Variants in TMPPE observed in about 807,000 individuals in gnomAD.
TMPPE encodes transmembrane protein with metallophosphoesterase domain.
In TMPPE, 16 loss-of-function variants were observed where a neutral mutation model predicts 22.6. The observed-to-expected ratio is 0.71, with a 90% CI of 0.48 to 1.08. The LOEUF (loss-of-function observed/expected upper bound fraction) is 1.08. Among genes scored for constraint, TMPPE ranks in the 50% least tolerant of loss-of-function variants. The probability of loss-of-function intolerance (pLI) is 0.00; values close to 1 mark genes in which losing one functional copy is unlikely to be tolerated. For synonymous variants in TMPPE, 240 were observed against 245.3 expected (o/e 0.98, Z 0.20); for missense variants, 526 against 584.3 (o/e 0.90, Z 1.03).
At position 33,091,374 on chromosome 3, in the gene TMPPE, A is replaced by T. The variant is rs1700752918; in HGVS notation, c.*1460T>A. On this transcript the variant is annotated 3_prime_UTR_variant, in exon 2 of 2. Coordinates refer to ENST00000342462, the MANE Select transcript of TMPPE (RefSeq NM_001039770.3). ...ACCCCCTTTGCCTGCCAGAATGCAC[A>T]TGAGGGAAGGAAGGCAAACCCCTAG... The T allele has an allele frequency of 2.0e-6, 2 of 985,324 alleles. No homozygotes were observed. The highest frequency in any genetic ancestry group is 1.2e-4 in the Admixed American group (2 of 16,258). The allele number at this position is 985,324 out of a possible 1,614,324, so 61.0% of individuals were successfully genotyped here. A position where few individuals can be genotyped will look rare whatever the true frequency, so the allele number is the denominator to read the frequency against.
In TMPPE at chr3:33,093,452, G is replaced by T; in HGVS notation, c.744C>A (p.Ser248=). Residue 248 remains serine (S), a synonymous_variant, in exon 2 of 2, where the codon TCC becomes TCA. Transcript: ENST00000342462. This position sits in a 1 kb window ranked among gnomAD's most constrained non-coding sequence, Gnocchi z 6.0. ...PDITVIVGDL[S]DSEASVLRTA... is the part of the protein sequence containing the mutation. ...TCCGCAGGACCGAGGCTTCTGAGTC[G>T]GAGAGGTCACCCACAATCACCGTGA... is the stretch of plus-strand genomic sequence containing the variant. The T allele has an allele frequency of 1.9e-6, 3 of 1,614,070 alleles. No homozygotes were observed. The highest frequency in any genetic ancestry group is 2.5e-6 in the Non-Finnish European group (3 of 1,180,030).
Position 33,093,839 on chromosome 3 carries a change from G to A in TMPPE, c.357C>T (p.Tyr119=), listed in dbSNP as rs747924645. ...EEPYLFSLAA[Y]SCLGAYIIML... ...TGATGATGTAAGCACCCAGGCAGGAGTAGGCCGCCAAGGAAAAGAGATAGG... is the reference window on the plus strand; with the variant it reads ...TGATGATGTAAGCACCCAGGCAGGAATAGGCCGCCAAGGAAAAGAGATAGG... The change falls in exon 2 of 2, where the codon TAC becomes TAT. Residue 119 remains tyrosine (Y), a synonymous_variant. Transcript: ENST00000342462. This position sits in a 1 kb window ranked among gnomAD's most constrained non-coding sequence, Gnocchi z 6.0. 18 of 1,613,512 alleles carry A rather than the reference G, an allele frequency of 1.1e-5. No homozygotes were observed. Among genetic ancestry groups the A allele is most frequent in the Non-Finnish European group, 1.5e-5 (18 of 1,179,762 alleles).
At position 33,092,052 on chromosome 3, in the gene TMPPE, T is replaced by C. The variant is rs1700785969; in HGVS notation, c.*782A>G. 2.0e-6 allele frequency: 2 copies of C among 984,210 alleles called. No homozygotes were observed. The highest frequency in any genetic ancestry group is 2.4e-6 in the Non-Finnish European group (2 of 828,954). 61.0% of individuals were successfully genotyped at this position (984,210 alleles called of 1,614,324 possible). A position where few individuals can be genotyped will look rare whatever the true frequency, so the allele number is the denominator to read the frequency against. Reference sequence around the variant, plus strand: ...ATAGGGAAAAGCAGCCTGTCCCCAGTGAGCTCCCCGAAGGGTTGTATAAAA... The same window carrying C: ...ATAGGGAAAAGCAGCCTGTCCCCAGCGAGCTCCCCGAAGGGTTGTATAAAA... On this transcript the variant is annotated 3_prime_UTR_variant, in exon 2 of 2. Transcript: ENST00000342462.
rs764183146 is a variant in TMPPE at position 33,093,421 on chromosome 3, C to A, written c.775G>T (p.Val259Phe). The A allele has an allele frequency of 6.2e-7, 1 of 1,614,158 alleles. No homozygotes were observed. Among genetic ancestry groups the A allele is most frequent in the Admixed American group, 1.7e-5 (1 of 60,024 alleles). ...DSEASVLRTA[V>F]APLGQLHSHL... ...GAATGAAGCTGGCCCAGAGGAGCGACAGCCGTCCGCAGGACCGAGGCTTCT... is the reference window on the plus strand; with the variant it reads ...GAATGAAGCTGGCCCAGAGGAGCGAAAGCCGTCCGCAGGACCGAGGCTTCT... The change falls in exon 2 of 2, where the codon GTC (valine) becomes TTC (phenylalanine). Residue 259 changes from valine to phenylalanine, a missense_variant. Coordinates refer to ENST00000342462, the MANE Select transcript of TMPPE (RefSeq NM_001039770.3). The surrounding 1 kb of genome is among the most constrained non-coding windows in gnomAD (Gnocchi z 6.0).
chr3:33,096,931 G>C lies in TMPPE; in HGVS notation c.-321C>G. ...AGGCTCCCCGCCCTGCGGGACCGCG[G>C]GTGGCTGCGACCCCAGCCCGGTTCC... On this transcript the variant is annotated 5_prime_UTR_variant, in exon 1 of 2. Coordinates refer to ENST00000342462, the MANE Select transcript of TMPPE (RefSeq NM_001039770.3). 2 of 1,552,076 alleles carry C rather than the reference G, an allele frequency of 1.3e-6. No homozygotes were observed. Among genetic ancestry groups the C allele is most frequent in the Non-Finnish European group, 8.7e-7 (1 of 1,150,328 alleles).
At position 33,092,993 on chromosome 3, in the gene TMPPE, G is replaced by A. The variant is rs146661602; in HGVS notation, c.1203C>T (p.Asn401=). 252 of 1,614,232 alleles carry A rather than the reference G, an allele frequency of 1.6e-4. No homozygotes were observed. The highest frequency in any genetic ancestry group is 1.8e-4 in the Non-Finnish European group (217 of 1,180,046). The part of the protein sequence containing the change: ...HTHAGQIFPL[N]VAAYLLNPFF... ...AGGGATTCAGGAGATAGGCTGCTAC[G>A]TTCAAGGGGAAGATCTGCCCAGCAT... is the stretch of plus-strand genomic sequence containing the variant. The change falls in exon 2 of 2, where the codon AAC becomes AAT. Residue 401 remains asparagine, a synonymous_variant. Coordinates refer to ENST00000342462, the MANE Select transcript of TMPPE (RefSeq NM_001039770.3).
intron 1 of TMPPE, among the ~76,000 whole-genome samples, chr3:33,095,329 A>G (rs1700976387): frequency 1.3e-5 from 2 of 151,986 alleles, no homozygotes; most frequent in Admixed American, 6.6e-5. Context: ...CATCCTGGCT[A>G]ACATGGTGAA....
rs77988381 is a variant in TMPPE at position 33,097,055 on chromosome 3, G to C, written c.-445C>G. On this transcript the variant is annotated 5_prime_UTR_variant, in exon 1 of 2. Coordinates refer to ENST00000342462, the MANE Select transcript of TMPPE (RefSeq NM_001039770.3). ...CCCAGAAGCAGCAGAACCAGCAACA[G>C]AGGGAGGATGCGAACCAGGAACCCC... The C allele has an allele frequency of 2.4e-4, 391 of 1,612,036 alleles. 2 individuals carry two copies. In the African/African-American group the frequency reaches 4.8e-3, roughly 20 times the overall value.
Position 33,091,856 on chromosome 3 carries a change from C to A in TMPPE, c.*978G>T. 1.0e-6 allele frequency: 1 copy of A among 985,452 alleles called. No individual in the cohort carries two copies. Among genetic ancestry groups the A allele is most frequent in the South Asian group, 4.7e-5 (1 of 21,290 alleles). The allele number at this position is 985,452 out of a possible 1,614,324, so 61.0% of individuals were successfully genotyped here. ...CTTCTCAGTGAGGCCTTTTCTAACA[C>A]GGGTGCTTATCTCCATCTCAGGATC... is the stretch of plus-strand genomic sequence containing the variant. On this transcript the variant is annotated 3_prime_UTR_variant, in exon 2 of 2. Transcript: ENST00000342462.
chr3:33,093,906 T>C lies in TMPPE; in HGVS notation c.290A>G (p.His97Arg), dbSNP rs753955295. 3 of 1,613,878 alleles carry C rather than the reference T, an allele frequency of 1.9e-6. No individual in the cohort carries two copies. The highest frequency in any genetic ancestry group is 2.7e-5 in the African/African-American group (2 of 74,930). ...AAAGAACATGGTAAAGAAACTGGAA[T>C]GGGCCAGGGCCAGAAATGCCAGAAC... ...VVVLAFLALA[H>R]SSFFTMFFLV... Residue 97 changes from histidine to arginine, a missense_variant, in exon 2 of 2, where the codon CAT (histidine) becomes CGT (arginine). Coordinates refer to ENST00000342462, the MANE Select transcript of TMPPE (RefSeq NM_001039770.3). The surrounding 1 kb of genome is among the most constrained non-coding windows in gnomAD (Gnocchi z 6.0).
Position 33,093,914 on chromosome 3 carries a change from G to T in TMPPE, c.282C>A (p.Ala94=), listed in dbSNP as rs1464414077. The T allele has an allele frequency of 1.2e-6, 2 of 1,614,040 alleles. No homozygotes were observed. Among genetic ancestry groups the T allele is most frequent in the Non-Finnish European group, 8.5e-7 (1 of 1,180,018 alleles). ...LWKVVVLAFL[A]LAHSSFFTMF... is the part of the protein sequence containing the mutation. ...TGGTAAAGAAACTGGAATGGGCCAG[G>T]GCCAGAAATGCCAGAACCACCACCT... Residue 94 remains alanine (A), a synonymous_variant, in exon 2 of 2, where the codon GCC becomes GCA. Coordinates refer to ENST00000342462, the MANE Select transcript of TMPPE (RefSeq NM_001039770.3). This position sits in a 1 kb window ranked among gnomAD's most constrained non-coding sequence, Gnocchi z 6.0.
At chr3:33,095,210 C>CAAAAAAAAAA (rs71630565) in intron 1 of TMPPE, among the ~76,000 whole-genome samples, 1 of 75,890 alleles carries the variant, frequency 1.3e-5, no homozygotes, top group African/African-American at 5.5e-5. Context: ...GACTCTGTCT[C>CAAAAAAAAAA]AAAAAAAAAA....
chr3:33,096,724 CTCAACACCTCGTT>C lies in TMPPE; in HGVS notation c.-127_-115del. 2 of 1,265,452 alleles carry C rather than the reference CTCAACACCTCGTT, an allele frequency of 1.6e-6. No homozygotes were observed. The highest frequency in any genetic ancestry group is 3.2e-5 in the African/African-American group (2 of 63,206). The allele number at this position is 1,265,452 out of a possible 1,614,324, so 78.4% of individuals were successfully genotyped here. A position where few individuals can be genotyped will look rare whatever the true frequency, so the allele number is the denominator to read the frequency against. On this transcript the variant is annotated 5_prime_UTR_variant, in exon 1 of 2. Transcript: ENST00000342462. ...TAGGAAATGTTTACACGCACCTCGT[CTCAACACCTCGTT>C]ACAGATGGGGAAGTGGATCCAAGCG...
chr3:33,091,131 C>T lies in TMPPE; in HGVS notation c.*1703G>A. 3.0e-6 allele frequency: 3 copies of T among 985,318 alleles called. No individual in the cohort carries two copies. Among genetic ancestry groups the T allele is most frequent in the Non-Finnish European group, 3.6e-6 (3 of 829,936 alleles). 61.0% of individuals were successfully genotyped at this position (985,318 alleles called of 1,614,324 possible). ...GAACTTAAAGGGAGTAAGGATGATT[C>T]ACAAAATGCGGTCGGGACACAAGAA... On this transcript the variant is annotated 3_prime_UTR_variant, in exon 2 of 2. Transcript: ENST00000342462.
chr3:33,092,910 G>A lies in TMPPE; in HGVS notation c.1286C>T (p.Thr429Ile). 6.2e-7 allele frequency: 1 copy of A among 1,614,214 alleles called. No individual in the cohort carries two copies. Among genetic ancestry groups the A allele is most frequent in the Non-Finnish European group, 8.5e-7 (1 of 1,180,034 alleles). Residue 429 changes from threonine (T) to isoleucine (I), a missense_variant, in exon 2 of 2, where the codon ACA becomes ATA. Transcript: ENST00000342462. ...CCTCATGGGTATCCCGTAGTAGGCT[G>A]TGCCTGGGCTGACATACACGAATGT... is the stretch of plus-strand genomic sequence containing the variant. ...QATFVYVSPG[T>I]AYYGIPMRLG...
Position 33,094,293 on chromosome 3 carries a change from G to C in TMPPE, c.-98C>G. 1 of 1,504,092 alleles carries C rather than the reference G, an allele frequency of 6.6e-7. No homozygotes were observed. The highest frequency in any genetic ancestry group is 8.9e-7 in the Non-Finnish European group (1 of 1,128,740). The allele number at this position is 1,504,092 out of a possible 1,614,324, so 93.2% of individuals were successfully genotyped here. A position where few individuals can be genotyped will look rare whatever the true frequency, so the allele number is the denominator to read the frequency against. On this transcript the variant is annotated 5_prime_UTR_variant, in exon 2 of 2. Transcript: ENST00000342462. ...ACAGTGGCCAAGGAGAGGTTTCCAGGTCAACTCCGCCTGCAACCAGGAACC... is the reference window on the plus strand; with the variant it reads ...ACAGTGGCCAAGGAGAGGTTTCCAGCTCAACTCCGCCTGCAACCAGGAACC...
chr3:33,093,973 G>T lies in TMPPE; in HGVS notation c.223C>A (p.Pro75Thr). ...RSTVSNLCHS[P>T]AAESTCFQLW... is the part of the protein sequence containing the mutation. The stretch of plus-strand genomic sequence containing the variant: ...TGAAAACAGGTTGACTCTGCAGCTG[G>T]GGAGTGGCAGAGGTTGCTCACTGTG... Residue 75 changes from proline (P) to threonine (T), a missense_variant, in exon 2 of 2, where the codon CCA (proline) becomes ACA (threonine). Physicochemically the swap from Pro to Thr is conservative, Grantham distance 38 (BLOSUM62 -1). Transcript: ENST00000342462. This position sits in a 1 kb window ranked among gnomAD's most constrained non-coding sequence, Gnocchi z 6.0. The T allele has an allele frequency of 6.2e-7, 1 of 1,614,180 alleles. No individual in the cohort carries two copies. Among genetic ancestry groups the T allele is most frequent in the Middle Eastern group, 1.6e-4 (1 of 6,062 alleles).
In TMPPE at chr3:33,092,596, G is replaced by A; in HGVS notation, c.*238C>T. On this transcript the variant is annotated 3_prime_UTR_variant, in exon 2 of 2. Coordinates refer to ENST00000342462, the MANE Select transcript of TMPPE (RefSeq NM_001039770.3). ...AATAGAGGGGAGTGCTAATATATGT[G>A]ACCTTAGTGATCTCACAAGTGCATC... The A allele has an allele frequency of 7.6e-7, 1 of 1,323,768 alleles. No individual in the cohort carries two copies. The allele number at this position is 1,323,768 out of a possible 1,614,324, so 82.0% of individuals were successfully genotyped here.
Position 33,093,351 on chromosome 3 carries a change from G to C in TMPPE, c.845C>G (p.Thr282Arg). 6.2e-7 allele frequency: 1 copy of C among 1,614,170 alleles called. No homozygotes were observed. Among genetic ancestry groups the C allele is most frequent in the Non-Finnish European group, 8.5e-7 (1 of 1,180,032 alleles). ...TGCAAACCAGTTGCTGACATCTGAC[G>C]TGTAGTACTCATGATTGCCTGTGAC... The part of the protein sequence containing the change: ...YFVTGNHEYY[T>R]SDVSNWFALL... The change falls in exon 2 of 2, where the codon ACG (threonine) becomes AGG (arginine). Residue 282 changes from threonine (T) to arginine (R), a missense_variant. Coordinates refer to ENST00000342462, the MANE Select transcript of TMPPE (RefSeq NM_001039770.3). The surrounding 1 kb of genome is among the most constrained non-coding windows in gnomAD (Gnocchi z 6.0).
Sources: gnomAD v4.1 joint callset for allele counts (sites outside exome capture counted in the v4.1 genomes callset) on GRCh38, gnomAD v4.1.1 for gene constraint, Gnocchi (gnomAD v3.1) non-coding constraint, MANE v1.5 for transcripts, NCBI Gene and HGNC (gene_info 2026-07-23, HGNC 2026-07-21) for gene names.